FBXO34: variants seen among roughly 807,000 people sequenced by gnomAD.
FBXO34 encodes the protein F-box only protein 34.
FBXO34 carries 12 observed loss-of-function variants against 24.5 expected under a neutral mutation model. The observed-to-expected ratio is 0.49, with a 90% CI of 0.31 to 0.79. The LOEUF is 0.79. Ranked by LOEUF, FBXO34 falls within the 30% of genes least tolerant of loss-of-function variation. FBXO34 has a pLI of 0.04. For missense variants in FBXO34, 823 were observed against 857.7 expected, an observed-to-expected ratio of 0.96 and a Z score of 0.51; for synonymous variants, 320 against 311.9, an observed-to-expected ratio of 1.03 and a Z score of -0.27.
the FBXO34 span, among the ~76,000 whole-genome samples, chr14:55,405,018 T>C: frequency 6.6e-6 from 1 of 152,072 alleles, no homozygotes; most frequent in African/African-American, 2.4e-5. Context: ...TAGCTGAAAA[T>C]AAGTTATATT....
At chr14:55,412,201 A>C in the FBXO34 span, among the ~76,000 whole-genome samples, 1 of 152,172 alleles carries the variant, frequency 6.6e-6, no homozygotes, top group African/African-American at 2.4e-5. Context: ...AAATCTGGCT[A>C]AACTACAGCA....
At chr14:55,278,698 C>CT (rs1719322060) in intron 1 of FBXO34, among the ~76,000 whole-genome samples, 1 of 152,072 alleles carries the variant, frequency 6.6e-6, no homozygotes, top group Admixed American at 6.5e-5. Context: ...ATACCTGTTT[C>CT]TTTTTTTGAG....
chr14:55,293,983 G>T (rs1208889727), intron 1 of FBXO34, among the ~76,000 whole-genome samples: 1 of 152,076 alleles, frequency 6.6e-6, no homozygotes, highest in Non-Finnish European at 1.5e-5. Context: ...CTTAGGATTT[G>T]CATTTGCTGT....
intron 1 of FBXO34, among the ~76,000 whole-genome samples, chr14:55,323,218 AATAT>A (rs1555337921): frequency 9.5e-5 from 3 of 31,626 alleles, no homozygotes; most frequent in South Asian, 1.4e-3. Context: ...AAAAAAAAAA[AATAT>A]ATATTTTTTT....
At chr14:55,354,796 C>T (rs1884495734), downstream of FBXO34, among the ~76,000 whole-genome samples, 1 of 152,148 alleles carries the variant, frequency 6.6e-6, no homozygotes, top group Non-Finnish European at 1.5e-5. Flanking sequence ...TGCTGTTCTT[C>T]AGGGCCCCCT....
chr14:55,292,162 GTTTTC>G (rs1303252986), intron 1 of FBXO34, among the ~76,000 whole-genome samples: 1 of 151,942 alleles, frequency 6.6e-6, no homozygotes, highest in East Asian at 1.9e-4. Flanking sequence ...TTTTTGTTGT[GTTTTC>G]TTTTTATTCT....
chr14:55,330,496 T>C (rs1156272693), intron 1 of FBXO34, among the ~76,000 whole-genome samples: 7 of 152,174 alleles, frequency 4.6e-5, no homozygotes, highest in Non-Finnish European at 8.8e-5. Flanking sequence ...CGAAATCTTA[T>C]GACTAAGTCA....
the FBXO34 span, among the ~76,000 whole-genome samples, chr14:55,430,673 AG>A: frequency 1.3e-5 from 2 of 152,186 alleles, no homozygotes; most frequent in Non-Finnish European, 2.9e-5. Flanking sequence ...CTGAGGTTAC[AG>A]GTGTGAGCCA....
At chr14:55,327,762 C>T (rs1333147338) in intron 1 of FBXO34, among the ~76,000 whole-genome samples, 7 of 151,886 alleles carry the variant, frequency 4.6e-5, no homozygotes, top group South Asian at 4.1e-4. Context: ...CCATGGCCTC[C>T]GGTGGATTCC....
At chr14:55,380,772 T>A in the FBXO34 span, 7 of 935,106 alleles carry the variant, frequency 7.5e-6, no homozygotes, top group Non-Finnish European at 1.1e-5. Flanking sequence ...TCATTTATGA[T>A]TTTATCATGA....
At chr14:55,404,002 A>T in the FBXO34 span, among the ~76,000 whole-genome samples, 1 of 152,194 alleles carries the variant, frequency 6.6e-6, no homozygotes, top group Non-Finnish European at 1.5e-5. Context: ...TTAAAATTTG[A>T]TGGGATGGAA....
chr14:55,421,631 T>C, the FBXO34 span, among the ~76,000 whole-genome samples: 1 of 152,108 alleles, frequency 6.6e-6, no homozygotes, highest in Non-Finnish European at 1.5e-5. Flanking sequence ...GCCCAGCTAA[T>C]TTTGTATTTT....
chr14:55,319,120 A>C (rs1883039550), intron 1 of FBXO34, among the ~76,000 whole-genome samples: 2 of 152,104 alleles, frequency 1.3e-5, no homozygotes, highest in Non-Finnish European at 2.9e-5. Flanking sequence ...AAGAAGGGGG[A>C]ATGTGGGTCT....
chr14:55,350,161 A>T (rs1884297516), intron 1 of FBXO34, among the ~76,000 whole-genome samples: 1 of 67,254 alleles, frequency 1.5e-5, no homozygotes, highest in African/African-American at 4.7e-5. Context: ...TATTTTCTGT[A>T]AAAAAAAAAA....
intron 1 of FBXO34, among the ~76,000 whole-genome samples, chr14:55,338,052 T>C (rs1483785562): frequency 8.4e-6 from 1 of 119,436 alleles, no homozygotes; most frequent in Non-Finnish European, 1.7e-5. Context: ...GTACTTCTTT[T>C]TTTTTTTTTT....
At chr14:55,387,363 C>T in the FBXO34 span, among the ~76,000 whole-genome samples, 1 of 152,138 alleles carries the variant, frequency 6.6e-6, no homozygotes, top group East Asian at 1.9e-4. Flanking sequence ...AGTTATCACT[C>T]CCTAACACTC....
chr14:55,350,207 T>G (rs10141396), intron 1 of FBXO34, among the ~76,000 whole-genome samples, 174 bp from the exon 2 acceptor site: 45,505 of 151,462 alleles, frequency 0.3, 7,119 homozygotes, highest in Non-Finnish European at 0.34. Context: ...GGTAGCTGTT[T>G]GTTATTCTTG....
In FBXO34 at chr14:55,273,205, C is replaced by G. The variant is rs1269825457; in HGVS notation, c.-11+1668C>G. 2.0e-5 allele frequency among the ~76,000 whole-genome samples: 3 copies of G among 151,900 alleles called. No homozygotes were observed. In the East Asian group the frequency reaches 5.8e-4, roughly 29 times the overall value. ...TTTTTTTCCTCTCTCTCAATACTTC[C>G]TGCTCCCCATTTGCCTTTTAGAGGT... On this transcript the variant is annotated intron_variant, in intron 1 of 1. Transcript: ENST00000313833.
At position 55,286,546 on chromosome 14, in the gene FBXO34, T is replaced by C. The variant is rs1881767113; in HGVS notation, c.-11+15009T>C. Reference sequence around the variant, plus strand: ...TATGTTTGAATGTCCCTTTAGTCTATGTTGCTGAAATTCTACTTTATGGAA... The same window carrying C: ...TATGTTTGAATGTCCCTTTAGTCTACGTTGCTGAAATTCTACTTTATGGAA... On this transcript the variant is annotated intron_variant, in intron 1 of 1. Transcript: ENST00000313833. Among the ~76,000 whole-genome samples the C allele has an allele frequency of 6.6e-5, 10 of 152,330 alleles. No individual in the cohort carries two copies. The South Asian group carries it at 2.1e-3, about 32-fold the overall frequency.
Sources: allele counts gnomAD v4.1 joint callset (sites outside exome capture counted in the v4.1 genomes callset), GRCh38; gene constraint gnomAD v4.1.1; transcripts MANE v1.5; gene names NCBI Gene and HGNC (gene_info 2026-07-23, HGNC 2026-07-21).